DSC1: variants seen among roughly 807,000 people sequenced by gnomAD.
DSC1 encodes desmocollin-1.
In DSC1, 79 loss-of-function variants were observed where a neutral mutation model predicts 98.8. That is an observed-to-expected ratio of 0.80 (90% CI 0.67 to 0.96). DSC1 has a LOEUF of 0.96. DSC1 is among the 50% of genes least tolerant of loss of function. The probability of loss-of-function intolerance (pLI) is 0.00; values close to 1 mark genes in which losing one functional copy is unlikely to be tolerated. For synonymous variants in DSC1, 405 were observed against 372.1 expected (o/e 1.09, Z -1.02); for missense variants, 1,115 against 1,075.9 (o/e 1.04, Z -0.51).
intron 5 of DSC1, among the ~76,000 whole-genome samples, chr18:31,149,794 C>T (rs1419966594): frequency 6.6e-6 from 1 of 152,134 alleles, no homozygotes; most frequent in Admixed American, 6.5e-5. Context: ...AAAGAATGTA[C>T]ACTCCAAACT....
At chr18:31,140,768 T>G (rs1287922271) in intron 9 of DSC1, among the ~76,000 whole-genome samples, 2 of 152,178 alleles carry the variant, frequency 1.3e-5, no homozygotes, top group African/African-American at 4.8e-5. Flanking sequence ...TCAAAGCACA[T>G]TATATTTCAG....
chr18:31,132,769 T>C (rs1598612409), intron 13 of DSC1, 80 bp from the exon 14 acceptor site: 2 of 1,355,868 alleles, frequency 1.5e-6, no homozygotes, highest in Non-Finnish European at 9.9e-7. Context: ...TTCTTGCATA[T>C]GTCTCAAAAA....
chr18:31,143,385 AT>A (rs768602978), intron 8 of DSC1, among the ~76,000 whole-genome samples: 32,312 of 138,632 alleles, frequency 0.23, 4,352 homozygotes, highest in East Asian at 0.52. Context: ...AAAAAATAAA[AT>A]AAAATAAAAT....
rs116112762 is a variant in DSC1 at position 31,133,992 on chromosome 18, T to C, written c.2015A>G (p.Glu672Gly). Residue 672 changes from glutamate (E) to glycine (G), a missense_variant, in exon 13 of 16, where the codon GAG becomes GGG. By Grantham distance (98) the Glu-to-Gly change is moderately conservative. Coordinates refer to ENST00000257198, the MANE Select transcript of DSC1 (RefSeq NM_024421.2). ...VRVCDCSTPS[E>G]CRMKDKSTRD... ...TGTACTTTTATCCTTCATTCTACACTCAGATGGAGTTGAACAGTCACATAC... is the reference window on the plus strand; with the variant it reads ...TGTACTTTTATCCTTCATTCTACACCCAGATGGAGTTGAACAGTCACATAC... 8.2e-5 allele frequency: 132 copies of C among 1,613,412 alleles called. No homozygotes were observed. The African/African-American group carries it at 1.6e-3, about 19-fold the overall frequency.
intron 5 of DSC1, among the ~76,000 whole-genome samples, chr18:31,153,305 T>C (rs976385857): frequency 6.6e-6 from 1 of 152,134 alleles, no homozygotes; most frequent in South Asian, 2.1e-4. Flanking sequence ...AGATCTTTTC[T>C]CTAGTAAAGA....
chr18:31,134,882 G>T, intron 11 of DSC1, 98 bp from the exon 12 acceptor site: 1 of 1,157,390 alleles, frequency 8.6e-7, no homozygotes, highest in South Asian at 1.6e-5. Flanking sequence ...TCTACTAGCT[G>T]TCTGAGCTTG....
At chr18:31,131,412 A>C in intron 15 of DSC1, 182 bp downstream of exon 15, 1 of 829,976 alleles carries the variant, frequency 1.2e-6, no homozygotes, top group South Asian at 1.8e-5. Context: ...GTATTTTCAA[A>C]GGTGAATTTT....
At chr18:31,153,968 C>T (rs1486654752) in intron 5 of DSC1, among the ~76,000 whole-genome samples, 1 of 152,096 alleles carries the variant, frequency 6.6e-6, no homozygotes, top group Admixed American at 6.5e-5. Context: ...TTATATTCTC[C>T]TTTAGCAAAG....
chr18:31,135,838 C>A (rs950518244), intron 11 of DSC1, among the ~76,000 whole-genome samples: 1 of 152,022 alleles, frequency 6.6e-6, no homozygotes, highest in Non-Finnish European at 1.5e-5. Flanking sequence ...TGTAATTTTT[C>A]ATGTTTTTGC....
intron 11 of DSC1, among the ~76,000 whole-genome samples, chr18:31,136,897 C>T (rs1988622375): frequency 1.3e-5 from 2 of 152,100 alleles, no homozygotes; most frequent in African/African-American, 4.8e-5. Context: ...TAAGTAATTA[C>T]TGATAATAGC....
chr18:31,146,808 C>A (rs140115348), intron 6 of DSC1, among the ~76,000 whole-genome samples: 1 of 152,304 alleles, frequency 6.6e-6, no homozygotes, highest in East Asian at 1.9e-4. Context: ...AATACCACAT[C>A]TTTTCATGTA....
In DSC1 at chr18:31,150,369, C is replaced by T. The variant is rs1341661813; in HGVS notation, c.628-1727G>A. Among the ~76,000 whole-genome samples, 13 of 3,036 alleles carry T rather than the reference C, an allele frequency of 4.3e-3. 3 individuals carry two copies. The highest frequency in any genetic ancestry group is 0.022 in the East Asian group (1 of 46). The allele number at this position is 3,036 out of a possible 152,430, so 2.0% of individuals were successfully genotyped here. A position where few individuals can be genotyped will look rare whatever the true frequency, so the allele number is the denominator to read the frequency against. On this transcript the variant is annotated intron_variant, in intron 5 of 15. Transcript: ENST00000257198. ...ACCACCACCACCACCATCATCACCA[C>T]CACCATCATCACCACCATCACCACC...
rs948401313 is a variant in DSC1 at position 31,157,705 on chromosome 18, C to T, written c.149-132G>A. ...GTTACATTTGGAATGTGCTCAGCAC[C>T]TGCTATTCTAAAACGTGGGGGCCAT... On this transcript the variant is annotated intron_variant, in intron 2 of 15. Coordinates refer to ENST00000257198, the MANE Select transcript of DSC1 (RefSeq NM_024421.2). 8 of 854,716 alleles carry T rather than the reference C, an allele frequency of 9.4e-6. No homozygotes were observed. In the African/African-American group the frequency reaches 1.4e-4, roughly 15 times the overall value. 52.9% of individuals were successfully genotyped at this position (854,716 alleles called of 1,614,324 possible).
intron 5 of DSC1, among the ~76,000 whole-genome samples, chr18:31,151,056 T>C (rs1988992746): frequency 6.6e-6 from 1 of 152,240 alleles, no homozygotes; most frequent in African/African-American, 2.4e-5. Context: ...CAAGTCTCCT[T>C]ATCCAACCTA....
intron 5 of DSC1, among the ~76,000 whole-genome samples, chr18:31,150,013 CACCATCATCATCACCACTT>C (rs1242023176): frequency 2.7e-5 from 4 of 146,656 alleles, no homozygotes; most frequent in Non-Finnish European, 6.1e-5. Flanking sequence ...ATACCACCAC[CACCATCATCATCACCACTT>C]ACCATCATCA....
chr18:31,136,714 A>C (rs1376584490), intron 11 of DSC1, among the ~76,000 whole-genome samples: 3 of 152,208 alleles, frequency 2.0e-5, no homozygotes, highest in African/African-American at 7.2e-5. Context: ...CAAATCTTAT[A>C]ATGTTTCAAG....
intron 8 of DSC1, 57 bp downstream of exon 8, chr18:31,143,600 A>G: frequency 7.3e-7 from 1 of 1,370,982 alleles, no homozygotes; most frequent in Non-Finnish European, 9.6e-7. Context: ...CAAATTCTAG[A>G]CATGTTTTTT....
chr18:31,153,535 C>A (rs1397808581), intron 5 of DSC1, among the ~76,000 whole-genome samples: 1 of 152,052 alleles, frequency 6.6e-6, no homozygotes, highest in South Asian at 2.1e-4. Flanking sequence ...CCACTACAAT[C>A]CCACCATGAA....
Position 31,134,500 on chromosome 18 carries a change from A to G in DSC1, c.1876+72T>C. On this transcript the variant is annotated intron_variant, in intron 12 of 15. Coordinates refer to ENST00000257198, the MANE Select transcript of DSC1 (RefSeq NM_024421.2). ...CTAAAATAAATGTGTATTTATTATG[A>G]TAAACTAAGGTGAAAGAACCATCAC... 5.8e-6 allele frequency: 7 copies of G among 1,212,674 alleles called. No homozygotes were observed. The South Asian group carries it at 9.3e-5, about 16-fold the overall frequency. The allele number at this position is 1,212,674 out of a possible 1,614,324, so 75.1% of individuals were successfully genotyped here.
Sources: allele counts gnomAD v4.1 joint callset (sites outside exome capture counted in the v4.1 genomes callset), GRCh38; gene constraint gnomAD v4.1.1; transcripts MANE v1.5; gene names NCBI Gene and HGNC (gene_info 2026-07-23, HGNC 2026-07-21).